The following ARSB variants were observed in gnomAD, a reference collection of about 807,000 sequenced individuals.
The protein encoded by ARSB is N-acetylgalactosamine-4-sulfatase.
ARSB carries 41 observed loss-of-function variants against 50.9 expected under a neutral mutation model. That is an observed-to-expected ratio of 0.81 (90% CI 0.63 to 1.04). The LOEUF (loss-of-function observed/expected upper bound fraction) is 1.04. ARSB is among the 50% of genes least tolerant of loss of function. ARSB has a pLI of 0.00. For synonymous variants in ARSB, 269 were observed against 284.8 expected (o/e 0.94, Z 0.56); for missense variants, 672 against 693.3 (o/e 0.97, Z 0.35).
Position 78,968,990 on chromosome 5 carries a change from T to C in ARSB, c.499+16A>G, listed in dbSNP as rs755937746. On this transcript the variant is annotated intron_variant, in intron 2 of 7. Coordinates refer to ENST00000264914, the MANE Select transcript of ARSB (RefSeq NM_000046.5). ...GTTAGTCTAAGTTGTTAAAGAAACA[T>C]GTGCATTTCCATTACCAAAGTAGGT... 6.2e-7 allele frequency: 1 copy of C among 1,613,622 alleles called. No homozygotes were observed. The highest frequency in any genetic ancestry group is 8.5e-7 in the Non-Finnish European group (1 of 1,179,528).
chr5:78,806,620 T>C (rs1266876968), intron 6 of ARSB, among the ~76,000 whole-genome samples: 1 of 152,192 alleles, frequency 6.6e-6, no homozygotes, highest in East Asian at 1.9e-4. Context: ...ACCCTGCGCT[T>C]TGCAGGTGGC....
chr5:78,895,822 T>C (rs555211043), intron 4 of ARSB, among the ~76,000 whole-genome samples: 1 of 152,302 alleles, frequency 6.6e-6, no homozygotes, highest in Admixed American at 6.5e-5. Context: ...GCTAATAGAT[T>C]TAGCTTAAGC....
At chr5:78,885,939 G>T in intron 4 of ARSB, 112 bp from the exon 5 acceptor site, 1 of 1,536,670 alleles carries the variant, frequency 6.5e-7, no homozygotes, top group Non-Finnish European at 8.9e-7. Context: ...TAAAAAAAAA[G>T]AAAATTCCTT....
intron 4 of ARSB, among the ~76,000 whole-genome samples, chr5:78,938,351 G>C (rs575613327): frequency 6.6e-6 from 1 of 152,180 alleles, no homozygotes; most frequent in East Asian, 1.9e-4. Flanking sequence ...ACATTAACAG[G>C]TGAAATCTAA....
rs1231089630 is a variant in ARSB, at chr5:78,885,579, G to A, written c.1142+5C>T. 7 of 1,613,068 alleles carry A rather than the reference G, an allele frequency of 4.3e-6. No individual in the cohort carries two copies. Among genetic ancestry groups the A allele is most frequent in the Middle Eastern group, 1.6e-4 (1 of 6,082 alleles). On this transcript the variant is annotated splice_donor_5th_base_variant and intron_variant, in intron 5 of 7. Transcript: ENST00000264914. ...CTGGGAGGAAAAAGGGCAGGGTGTA[G>A]GTACCTGATGGTTTTCCACACGTCG...
chr5:78,824,527 T>A (rs1053081028), intron 6 of ARSB, among the ~76,000 whole-genome samples: 2 of 152,172 alleles, frequency 1.3e-5, no homozygotes, highest in Admixed American at 6.5e-5. Flanking sequence ...AGGTGATTCG[T>A]GTGCACATTC....
At chr5:78,957,115 C>G (rs1207942333) in intron 3 of ARSB, among the ~76,000 whole-genome samples, 1 of 144,744 alleles carries the variant, frequency 6.9e-6, no homozygotes, top group East Asian at 1.9e-4. Context: ...TTTTAATGAG[C>G]CTTTCTGAAG....
intron 4 of ARSB, among the ~76,000 whole-genome samples, chr5:78,906,272 G>A (rs1212685718): frequency 6.6e-6 from 1 of 152,144 alleles, no homozygotes; most frequent in Non-Finnish European, 1.5e-5. Context: ...GGTAGAGGCT[G>A]CAGTGAGCTA....
chr5:78,839,981 C>A (rs1370110376), intron 5 of ARSB, among the ~76,000 whole-genome samples: 1 of 152,214 alleles, frequency 6.6e-6, no homozygotes, highest in Non-Finnish European at 1.5e-5. Flanking sequence ...CACACAAATA[C>A]AATCACAACC....
At chr5:78,885,198 C>T (rs1002136716) in intron 5 of ARSB, 10 of 275,294 alleles carry the variant, frequency 3.6e-5, no homozygotes, top group Non-Finnish European at 4.7e-5. Context: ...AAACATATCC[C>T]TAGTTCCTAT....
chr5:78,815,468 T>C, intron 6 of ARSB: 1 of 907,160 alleles, frequency 1.1e-6, no homozygotes, highest in Non-Finnish European at 1.3e-6. Flanking sequence ...AAGTGTGACT[T>C]GGCAAATGGA....
chr5:78,816,209 CAATCTCACT>C, intron 6 of ARSB: 2 of 1,608,718 alleles, frequency 1.2e-6, no homozygotes, highest in Non-Finnish European at 8.5e-7. Context: ...AGATTTCTTA[CAATCTCACT>C]AGACTGTGAA....
rs558109348 is a variant in ARSB at position 78,968,204 on chromosome 5, A to G, written c.499+802T>C. Reference sequence around the variant, plus strand: ...AGATTTCACAGGTGGAAGAATGCCAATGGAAGAGTCTTCCCCCACCCCCTT... The same window carrying G: ...AGATTTCACAGGTGGAAGAATGCCAGTGGAAGAGTCTTCCCCCACCCCCTT... On this transcript the variant is annotated intron_variant, in intron 2 of 7. Transcript: ENST00000264914. Among the ~76,000 whole-genome samples the G allele has an allele frequency of 9.2e-5, 14 of 151,602 alleles. No individual in the cohort carries two copies. In the South Asian group the frequency reaches 2.7e-3, roughly 29 times the overall value.
chr5:78,940,424 C>T (rs533264238), intron 4 of ARSB, among the ~76,000 whole-genome samples: 1 of 152,168 alleles, frequency 6.6e-6, no homozygotes, highest in African/African-American at 2.4e-5. Context: ...TTAGGTCTAA[C>T]ATTTAAGTCT....
At chr5:78,974,893 T>C (rs1752599475) in intron 1 of ARSB, among the ~76,000 whole-genome samples, 1 of 152,184 alleles carries the variant, frequency 6.6e-6, no homozygotes. Context: ...TGAGGCCATC[T>C]TGCTTGTCCC....
intron 4 of ARSB, among the ~76,000 whole-genome samples, chr5:78,891,775 A>G (rs1352637779): frequency 6.6e-6 from 1 of 152,182 alleles, no homozygotes; most frequent in African/African-American, 2.4e-5. Context: ...TAGTTATACT[A>G]TTAGGTATAC....
At chr5:78,939,251 C>A (rs1318493494) in intron 4 of ARSB, among the ~76,000 whole-genome samples, 1 of 151,298 alleles carries the variant, frequency 6.6e-6, no homozygotes, top group African/African-American at 2.4e-5. Context: ...GAGCTCTCAA[C>A]ATCAAGTGGT....
chr5:78,920,806 C>T (rs927156713), intron 4 of ARSB, among the ~76,000 whole-genome samples: 7 of 152,186 alleles, frequency 4.6e-5, no homozygotes, highest in Admixed American at 4.6e-4. Flanking sequence ...TGGCTCTCCC[C>T]AGAGGACAAC....
At chr5:78,816,319 A>G (rs1213131255) in intron 6 of ARSB, among the ~76,000 whole-genome samples, 1 of 152,182 alleles carries the variant, frequency 6.6e-6, no homozygotes, top group Non-Finnish European at 1.5e-5. Context: ...TTACTGATTA[A>G]GGGGGCTTGA....
Sources: gnomAD v4.1 joint callset for allele counts (sites outside exome capture counted in the v4.1 genomes callset) on GRCh38, gnomAD v4.1.1 for gene constraint, MANE v1.5 for transcripts, NCBI Gene and HGNC (gene_info 2026-07-23, HGNC 2026-07-21) for gene names.